The following GALNTL6 variants were observed in gnomAD, a reference collection of about 807,000 sequenced individuals.
GALNTL6 encodes polypeptide N-acetylgalactosaminyltransferase like 6.
Under a neutral mutation model 73.7 loss-of-function variants are expected in GALNTL6, and 46 were observed. The observed-to-expected ratio is 0.62, with a 90% CI of 0.49 to 0.80. The LOEUF is 0.80. GALNTL6 is among the 30% of genes least tolerant of loss of function. The probability of loss-of-function intolerance (pLI) is 0.00; values close to 1 mark genes in which losing one functional copy is unlikely to be tolerated. For missense variants in GALNTL6, 604 were observed against 755.0 expected (o/e 0.80, Z 2.34); for synonymous variants, 259 against 263.7 (o/e 0.98, Z 0.17).
At chr4:171,817,108 T>A (rs1458418674) in intron 2 of GALNTL6, among the ~76,000 whole-genome samples, 2 of 152,040 alleles carry the variant, frequency 1.3e-5, no homozygotes, top group Non-Finnish European at 2.9e-5. Flanking sequence ...ACTACTATAC[T>A]TCTCCCCAAG....
At chr4:172,739,518 C>A (rs1736678704) in intron 5 of GALNTL6, among the ~76,000 whole-genome samples, 1 of 151,920 alleles carries the variant, frequency 6.6e-6, no homozygotes, top group Non-Finnish European at 1.5e-5. Context: ...TAAATAAAAG[C>A]CTTAAAATTA....
chr4:172,598,427 A>C (rs548161804), intron 5 of GALNTL6, among the ~76,000 whole-genome samples: 1 of 152,294 alleles, frequency 6.6e-6, no homozygotes, highest in East Asian at 1.9e-4. Context: ...GCCATTAGAA[A>C]CATGTCATGA....
chr4:172,912,960 C>G (rs1241017021), intron 8 of GALNTL6, among the ~76,000 whole-genome samples: 1 of 152,182 alleles, frequency 6.6e-6, no homozygotes, highest in African/African-American at 2.4e-5. Flanking sequence ...TGGGAGACAC[C>G]TCCCAGTAGG....
At chr4:172,074,514 C>CT (rs1193264274) in intron 2 of GALNTL6, among the ~76,000 whole-genome samples, 1 of 151,904 alleles carries the variant, frequency 6.6e-6, no homozygotes, top group African/African-American at 2.4e-5. Context: ...GTGGGAACTT[C>CT]TTTAAACTGT....
intron 2 of GALNTL6, among the ~76,000 whole-genome samples, chr4:172,007,752 A>G (rs1465792612): frequency 6.6e-6 from 1 of 152,134 alleles, no homozygotes; most frequent in Non-Finnish European, 1.5e-5. Context: ...AAATATTCTT[A>G]ATGAACACAG....
intron 2 of GALNTL6, among the ~76,000 whole-genome samples, chr4:172,191,064 A>G (rs1311463552): frequency 6.6e-6 from 1 of 152,194 alleles, no homozygotes; most frequent in Non-Finnish European, 1.5e-5. Context: ...ACTTTGAAAT[A>G]TGCAACTCAG....
chr4:172,095,733 T>C (rs181445078), intron 2 of GALNTL6, among the ~76,000 whole-genome samples: 1 of 152,298 alleles, frequency 6.6e-6, no homozygotes, highest in Admixed American at 6.5e-5. Flanking sequence ...CAATCACTCA[T>C]GGTGGGAAGA....
At chr4:173,027,894 A>C (rs1261652622) in intron 12 of GALNTL6, among the ~76,000 whole-genome samples, 3 of 152,246 alleles carry the variant, frequency 2.0e-5, no homozygotes, top group Non-Finnish European at 4.4e-5. Flanking sequence ...TAGCAACAAA[A>C]AATAGAAAAT....
chr4:172,940,486 C>T (rs1748860478), intron 9 of GALNTL6, among the ~76,000 whole-genome samples: 1 of 151,988 alleles, frequency 6.6e-6, no homozygotes, highest in Admixed American at 6.6e-5. Flanking sequence ...CCTCAGCCTC[C>T]CAAGTAGCTG....
intron 2 of GALNTL6, among the ~76,000 whole-genome samples, chr4:172,212,414 C>T (rs957532652): frequency 1.3e-5 from 2 of 152,130 alleles, no homozygotes; most frequent in East Asian, 1.9e-4. Flanking sequence ...CCGCCTCAGC[C>T]TCCCAAAGCG....
chr4:172,845,044 T>A (rs1743415592), intron 7 of GALNTL6, among the ~76,000 whole-genome samples: 1 of 151,626 alleles, frequency 6.6e-6, no homozygotes, highest in Non-Finnish European at 1.5e-5. Context: ...TGAAACCCCA[T>A]CTCTACTAAA....
chr4:171,895,305 ATCCC>A (rs1211024085), intron 2 of GALNTL6, among the ~76,000 whole-genome samples: 9 of 152,202 alleles, frequency 5.9e-5, no homozygotes, highest in Non-Finnish European at 1.0e-4. Context: ...GATGAGCAGA[ATCCC>A]TTGCGTGAAA....
chr4:172,211,157 C>T (rs1736310330), intron 2 of GALNTL6, among the ~76,000 whole-genome samples: 1 of 152,112 alleles, frequency 6.6e-6, no homozygotes, highest in African/African-American at 2.4e-5. Context: ...ATAAGATGCT[C>T]CGGTTTCATC....
At chr4:172,849,019 C>A (rs535431098) in intron 7 of GALNTL6, among the ~76,000 whole-genome samples, 36 of 152,186 alleles carry the variant, frequency 2.4e-4, no homozygotes, top group Non-Finnish European at 4.6e-4. Flanking sequence ...GAAGCCACCA[C>A]CAAGAAATAC....
At chr4:172,721,098 T>C (rs1165385880) in intron 5 of GALNTL6, among the ~76,000 whole-genome samples, 2 of 152,190 alleles carry the variant, frequency 1.3e-5, no homozygotes, top group Non-Finnish European at 2.9e-5. Flanking sequence ...ATAAAAAGGA[T>C]GATAAGATGG....
intron 5 of GALNTL6, among the ~76,000 whole-genome samples, chr4:172,569,909 G>C (rs1321989553): frequency 2.6e-5 from 4 of 152,136 alleles, no homozygotes; most frequent in Non-Finnish European, 5.9e-5. Flanking sequence ...AAACAGAAAG[G>C]GGCCGTGGAA....
chr4:172,916,631 T>G (rs1579650478), intron 8 of GALNTL6, among the ~76,000 whole-genome samples: 1 of 152,072 alleles, frequency 6.6e-6, no homozygotes, highest in Non-Finnish European at 1.5e-5. Context: ...AAATCATGAG[T>G]GAACTCCCAT....
chr4:172,131,533 CAT>C lies in GALNTL6; in HGVS notation c.139-98120_139-98119del, dbSNP rs1491469341. Among the ~76,000 whole-genome samples, 112 of 149,664 alleles carry C rather than the reference CAT, an allele frequency of 7.5e-4. 1 individual carries two copies. Among genetic ancestry groups the C allele is most frequent in the African/African-American group, 2.3e-3 (94 of 40,942 alleles). On this transcript the variant is annotated intron_variant, in intron 2 of 12. Coordinates refer to ENST00000506823, the MANE Select transcript of GALNTL6 (RefSeq NM_001034845.3). ...GTGTGCATATATATACACACACACA[CAT>C]ATGTGTTTGTGTGTGTATGCTTTTA...
chr4:172,095,098 TG>T (rs1455288701), intron 2 of GALNTL6, among the ~76,000 whole-genome samples: 1 of 151,134 alleles, frequency 6.6e-6, no homozygotes, highest in African/African-American at 2.4e-5. Context: ...AAAATTGGGG[TG>T]GGGGCTGTGT....
Sources: gnomAD v4.1 joint callset for allele counts (sites outside exome capture counted in the v4.1 genomes callset) on GRCh38, gnomAD v4.1.1 for gene constraint, MANE v1.5 for transcripts, NCBI Gene and HGNC (gene_info 2026-07-23, HGNC 2026-07-21) for gene names.